Variants in LHFPL3 observed in about 807,000 individuals in gnomAD.
The protein encoded by LHFPL3 is LHFPL tetraspan subfamily member 3.
LHFPL3 carries 5 observed loss-of-function variants against 19.3 expected under a neutral mutation model. The observed-to-expected ratio is 0.26, with a 90% confidence interval of 0.14 to 0.54. The LOEUF is 0.54. LHFPL3 is among the 20% of genes least tolerant of loss of function. The probability of loss-of-function intolerance (pLI) is 0.94; values close to 1 mark genes in which losing one functional copy is unlikely to be tolerated. For missense variants in LHFPL3, 249 were observed against 307.4 expected, an observed-to-expected ratio of 0.81 and a Z score of 1.42; for synonymous variants, 133 against 126.2, an observed-to-expected ratio of 1.05 and a Z score of -0.36.
chr7:104,845,440 G>A, intron 2 of LHFPL3: 1 of 1,535,836 alleles, frequency 6.5e-7, no homozygotes, highest in Non-Finnish European at 8.7e-7. Context: ...GTAAGTGTGA[G>A]CATGGCTTTG....
At chr7:104,725,641 C>T (rs1434784919) in intron 1 of LHFPL3, among the ~76,000 whole-genome samples, 1 of 152,146 alleles carries the variant, frequency 6.6e-6, no homozygotes, top group East Asian at 1.9e-4. Context: ...TTTTAACAAT[C>T]TTGTTATCAC....
Position 104,721,305 on chromosome 7 carries a change from G to A in LHFPL3, c.446-15370G>A, listed in dbSNP as rs533235305. Among the ~76,000 whole-genome samples, 66 of 152,216 alleles carry A rather than the reference G, an allele frequency of 4.3e-4. 1 individual carries two copies. The highest frequency in any genetic ancestry group is 6.8e-3 in the Middle Eastern group (2 of 294). On this transcript the variant is annotated intron_variant, in intron 1 of 2. Coordinates refer to ENST00000424859, the MANE Select transcript of LHFPL3 (RefSeq NM_199000.3). ...TCACAAGGACAGAAAACCAAACACCGCATGCTCTCCCTCATAGGTGGGAAC... is the reference window on the plus strand; with the variant it reads ...TCACAAGGACAGAAAACCAAACACCACATGCTCTCCCTCATAGGTGGGAAC...
At chr7:104,627,445 C>A (rs1002891424) in intron 1 of LHFPL3, among the ~76,000 whole-genome samples, 3 of 152,118 alleles carry the variant, frequency 2.0e-5, no homozygotes, top group African/African-American at 7.2e-5. Context: ...ACAAACTGAT[C>A]TTTCCTTTTT....
intron 1 of LHFPL3, among the ~76,000 whole-genome samples, chr7:104,474,337 C>T (rs1368753886): frequency 3.3e-5 from 5 of 152,056 alleles, no homozygotes; most frequent in African/African-American, 1.2e-4. Flanking sequence ...TATGAAAGGA[C>T]ACTGTGTTAG....
chr7:104,745,661 A>T (rs1195072558), intron 2 of LHFPL3, among the ~76,000 whole-genome samples: 2 of 152,192 alleles, frequency 1.3e-5, no homozygotes, highest in Non-Finnish European at 2.9e-5. Flanking sequence ...TACTTTTCTC[A>T]GTCAGAAATC....
intron 1 of LHFPL3, among the ~76,000 whole-genome samples, chr7:104,515,046 A>T (rs1319527870): frequency 1.3e-5 from 2 of 152,198 alleles, no homozygotes; most frequent in African/African-American, 4.8e-5. Flanking sequence ...TTTCACTTTT[A>T]ACAGTAGCAT....
chr7:104,368,434 C>T (rs1306576636), intron 1 of LHFPL3, among the ~76,000 whole-genome samples: 1 of 152,134 alleles, frequency 6.6e-6, no homozygotes, highest in African/African-American at 2.4e-5. Flanking sequence ...GGACCCAGGT[C>T]AAGGCAACAT....
At chr7:104,417,526 G>T (rs1791645796) in intron 1 of LHFPL3, among the ~76,000 whole-genome samples, 1 of 152,018 alleles carries the variant, frequency 6.6e-6, no homozygotes, top group Admixed American at 6.6e-5. Context: ...ATTTCTTCTG[G>T]TCTGTTTTTA....
intron 1 of LHFPL3, among the ~76,000 whole-genome samples, chr7:104,593,326 A>G (rs1200691406): frequency 6.6e-5 from 10 of 152,072 alleles, no homozygotes; most frequent in Non-Finnish European, 1.2e-4. Context: ...CAGGTTGTTC[A>G]GTTTCGATGT....
At chr7:104,735,375 C>A (rs1793791689) in intron 1 of LHFPL3, among the ~76,000 whole-genome samples, 1 of 152,256 alleles carries the variant, frequency 6.6e-6, no homozygotes, top group Non-Finnish European at 1.5e-5. Context: ...CCAGTTCGAG[C>A]TTCCCAGCCG....
chr7:104,649,688 G>A (rs145275916), intron 1 of LHFPL3, among the ~76,000 whole-genome samples: 123 of 152,300 alleles, frequency 8.1e-4, no homozygotes, highest in African/African-American at 2.9e-3. Context: ...CTAAATTCAG[G>A]GAGAGGGAAG....
chr7:104,667,855 A>G (rs1792385865), intron 1 of LHFPL3: 14 of 1,611,886 alleles, frequency 8.7e-6, no homozygotes, highest in Non-Finnish European at 1.2e-5. Context: ...TATGTTTCCA[A>G]ACCAGTCAGC....
intron 1 of LHFPL3, among the ~76,000 whole-genome samples, chr7:104,599,223 T>G (rs1790919796): frequency 6.6e-6 from 1 of 152,342 alleles, no homozygotes; most frequent in Middle Eastern, 3.4e-3. Context: ...TATAGATTGA[T>G]TTCTACTAGT....
chr7:104,533,721 C>T (rs1794344204), intron 1 of LHFPL3, among the ~76,000 whole-genome samples: 1 of 152,210 alleles, frequency 6.6e-6, no homozygotes, highest in Admixed American at 6.5e-5. Flanking sequence ...CTGCTCTTGT[C>T]CAACTGGTTC....
intron 1 of LHFPL3, among the ~76,000 whole-genome samples, chr7:104,505,843 C>T (rs1370916387): frequency 1.3e-5 from 2 of 152,156 alleles, no homozygotes; most frequent in Non-Finnish European, 2.9e-5. Flanking sequence ...AAAAGTTACT[C>T]TTCTCCATTT....
chr7:104,696,662 A>G (rs953652114), intron 1 of LHFPL3, among the ~76,000 whole-genome samples: 3 of 152,206 alleles, frequency 2.0e-5, no homozygotes, highest in Non-Finnish European at 4.4e-5. Context: ...ATAACTAAAA[A>G]ATAATAATAA....
At chr7:104,389,821 G>T (rs2116469135) in intron 1 of LHFPL3, among the ~76,000 whole-genome samples, 1 of 152,176 alleles carries the variant, frequency 6.6e-6, no homozygotes. Context: ...ATATGTAAAA[G>T]AATGAAGTTG....
chr7:104,649,178 G>A (rs1024230215), intron 1 of LHFPL3, among the ~76,000 whole-genome samples: 4 of 152,210 alleles, frequency 2.6e-5, no homozygotes, highest in African/African-American at 4.8e-5. Context: ...TGGAAGAGCA[G>A]GGAAAGGCAT....
At chr7:104,354,311 C>T (rs536082892) in intron 1 of LHFPL3, among the ~76,000 whole-genome samples, 4 of 152,206 alleles carry the variant, frequency 2.6e-5, no homozygotes, top group Non-Finnish European at 5.9e-5. Context: ...GCCCAGATTG[C>T]CCCTAGATTT....
Sources: gnomAD v4.1 joint callset for allele counts (sites outside exome capture counted in the v4.1 genomes callset) on GRCh38, gnomAD v4.1.1 for gene constraint, MANE v1.5 for transcripts, NCBI Gene and HGNC (gene_info 2026-07-23, HGNC 2026-07-21) for gene names.